Variants in AOPEP observed in about 807,000 individuals in gnomAD.
AOPEP encodes aminopeptidase O.
In AOPEP, 77 loss-of-function variants were observed where a neutral mutation model predicts 98.1. The ratio of observed to expected loss-of-function variants is 0.78; its 90% CI spans 0.65 to 0.95. The LOEUF is 0.95. AOPEP is among the 40% of genes least tolerant of loss of function. The probability of loss-of-function intolerance (pLI) is 0.00; values close to 1 mark genes in which losing one functional copy is unlikely to be tolerated. For missense variants in AOPEP, 1,024 were observed against 1,024.7 expected, an observed-to-expected ratio of 1.00 and a Z score of 0.01; for synonymous variants, 346 against 365.3, an observed-to-expected ratio of 0.95 and a Z score of 0.60.
rs1312807150 is a variant in AOPEP, at chr9:95,086,882, CTCCCTCCCT to C, written c.*206_*214del. On this transcript the variant is annotated 3_prime_UTR_variant, in exon 17 of 17. Transcript: ENST00000375315. ...AAAGGCAGATTCTCGTAAACGCAGCCTCCCTCCCTGGAGGCTGCCTCCTGCCCTGGATCT... is the reference window on the plus strand; with the variant it reads ...AAAGGCAGATTCTCGTAAACGCAGCCGGAGGCTGCCTCCTGCCCTGGATCT... 1.0e-6 allele frequency: 1 copy of C among 987,852 alleles called. No homozygotes were observed. Among genetic ancestry groups the C allele is most frequent in the Admixed American group, 6.1e-5 (1 of 16,280 alleles). 61.2% of individuals were successfully genotyped at this position (987,852 alleles called of 1,614,324 possible).
chr9:94,944,693 G>T (rs1468837664), intron 7 of AOPEP, among the ~76,000 whole-genome samples: 1 of 152,134 alleles, frequency 6.6e-6, no homozygotes, highest in South Asian at 2.1e-4. Flanking sequence ...ATCTCCCAAA[G>T]TAAGAAGTAG....
intron 5 of AOPEP, among the ~76,000 whole-genome samples, chr9:94,869,267 T>A (rs1269867534): frequency 6.6e-6 from 1 of 152,056 alleles, no homozygotes; most frequent in Admixed American, 6.6e-5. Flanking sequence ...ATAAAGACAT[T>A]TGCTGTATGT....
At chr9:95,135,687 T>G in the AOPEP span, 4 of 605,824 alleles carry the variant, frequency 6.6e-6, no homozygotes. Flanking sequence ...ATAATGTGAA[T>G]ATGCTTCCAC....
chr9:94,889,612 C>T (rs1178070093), intron 5 of AOPEP, among the ~76,000 whole-genome samples: 3 of 152,122 alleles, frequency 2.0e-5, no homozygotes, highest in Admixed American at 6.5e-5. Flanking sequence ...CTTGGCCTCC[C>T]AAAGTGCTAG....
At chr9:94,795,893 A>T (rs1846820168) in intron 4 of AOPEP, among the ~76,000 whole-genome samples, 1 of 152,176 alleles carries the variant, frequency 6.6e-6, no homozygotes, top group Non-Finnish European at 1.5e-5. Flanking sequence ...GGAGATAAAA[A>T]TAAAGGTTTT....
intron 1 of AOPEP, among the ~76,000 whole-genome samples, chr9:94,736,543 A>G (rs1270309150): frequency 6.6e-6 from 1 of 152,336 alleles, no homozygotes; most frequent in African/African-American, 2.4e-5. Context: ...TCCAGCACAT[A>G]AATATTTATG....
At chr9:95,138,411 G>A in the AOPEP span, among the ~76,000 whole-genome samples, 1 of 152,224 alleles carries the variant, frequency 6.6e-6, no homozygotes, top group Non-Finnish European at 1.5e-5. Context: ...GCCCTGGAGA[G>A]GGGTTCCTGT....
intron 9 of AOPEP, among the ~76,000 whole-genome samples, chr9:94,961,928 T>C (rs1277481210): frequency 6.6e-6 from 1 of 152,248 alleles, no homozygotes; most frequent in East Asian, 1.9e-4. Context: ...TTCTCATATG[T>C]ATTGGAACAT....
intron 3 of AOPEP, among the ~76,000 whole-genome samples, chr9:94,773,802 G>A (rs1841426801): frequency 6.6e-6 from 1 of 151,592 alleles, no homozygotes; most frequent in Non-Finnish European, 1.5e-5. Flanking sequence ...GTCTCGCTCT[G>A]TTGCCCGGGC....
intron 13 of AOPEP, among the ~76,000 whole-genome samples, chr9:95,046,244 T>C (rs2065858095): frequency 6.6e-6 from 1 of 152,244 alleles, no homozygotes. Context: ...CCCAAAGGCT[T>C]ACTCTCTACC....
intron 1 of AOPEP, among the ~76,000 whole-genome samples, chr9:94,733,066 A>G (rs1830913490): frequency 6.7e-6 from 1 of 149,646 alleles, no homozygotes; most frequent in Non-Finnish European, 1.5e-5. Flanking sequence ...TGGAAATATC[A>G]TGGTTACTGT....
chr9:94,957,871 T>C (rs1375551205), intron 9 of AOPEP, among the ~76,000 whole-genome samples: 1 of 151,574 alleles, frequency 6.6e-6, no homozygotes, highest in Admixed American at 6.5e-5. Flanking sequence ...GTATCAGTAC[T>C]TCATTCTTTT....
At chr9:94,796,914 A>G (rs1847073247) in intron 4 of AOPEP, among the ~76,000 whole-genome samples, 1 of 152,224 alleles carries the variant, frequency 6.6e-6, no homozygotes, top group Non-Finnish European at 1.5e-5. Context: ...TTTAAACACG[A>G]CACAGAAACT....
chr9:95,045,806 T>G (rs1460879390), intron 13 of AOPEP, among the ~76,000 whole-genome samples: 1 of 152,172 alleles, frequency 6.6e-6, no homozygotes, highest in African/African-American at 2.4e-5. Context: ...TAACCCTCAT[T>G]AAACGAACTT....
chr9:95,108,661 A>T, the AOPEP span, among the ~76,000 whole-genome samples: 1 of 152,248 alleles, frequency 6.6e-6, no homozygotes, highest in Non-Finnish European at 1.5e-5. Context: ...ATCCTGCATT[A>T]TAAAGACATA....
chr9:94,861,524 A>T (rs1044574258), intron 5 of AOPEP, among the ~76,000 whole-genome samples: 4 of 152,344 alleles, frequency 2.6e-5, no homozygotes, highest in Non-Finnish European at 5.9e-5. Context: ...AAGGTCAACA[A>T]CGACTTCCAT....
intron 10 of AOPEP, among the ~76,000 whole-genome samples, chr9:94,971,833 A>G (rs185735368): frequency 6.6e-6 from 1 of 152,362 alleles, no homozygotes; most frequent in East Asian, 1.9e-4. Flanking sequence ...GAAACAAGTC[A>G]TTATGACTCC....
At chr9:94,953,300 G>T (rs886364916) in intron 7 of AOPEP, among the ~76,000 whole-genome samples, 1 of 152,210 alleles carries the variant, frequency 6.6e-6, no homozygotes, top group African/African-American at 2.4e-5. Flanking sequence ...ACAAGTGTGG[G>T]CATGTAGGTA....
intron 1 of AOPEP, among the ~76,000 whole-genome samples, chr9:94,747,680 G>T (rs988180465): frequency 1.8e-4 from 28 of 152,188 alleles, no homozygotes; most frequent in Admixed American, 1.8e-3. Flanking sequence ...TGTTTAAAAT[G>T]ACATCAGCTT....
Sources: allele counts gnomAD v4.1 joint callset (sites outside exome capture counted in the v4.1 genomes callset), GRCh38; gene constraint gnomAD v4.1.1; transcripts MANE v1.5; gene names NCBI Gene and HGNC (gene_info 2026-07-23, HGNC 2026-07-21).